The following FBXO25 variants were observed in gnomAD, a reference collection of about 807,000 sequenced individuals.
FBXO25 encodes the protein F-box only protein 25.
A neutral mutation model predicts 51.9 loss-of-function variants in FBXO25; 45 were observed. The ratio of observed to expected loss-of-function variants is 0.87; its 90% CI spans 0.68 to 1.11. FBXO25 has a LOEUF of 1.11. Ranked by LOEUF, FBXO25 falls within the 50% of genes most tolerant of loss-of-function variation. FBXO25 has a pLI of 0.00. For missense variants in FBXO25, 507 were observed against 428.5 expected, an observed-to-expected ratio of 1.18 and a Z score of -1.62; for synonymous variants, 199 against 151.0, an observed-to-expected ratio of 1.32 and a Z score of -2.33.
Position 406,993 on chromosome 8 carries a change from G to C in FBXO25, c.-81G>C, listed in dbSNP as rs1430543754. ...TGGTCGCCGTCAGGTGCGGGCCCAG[G>C]TGGCCGGCGCGCCCGTTGGGCACTG... On this transcript the variant is annotated 5_prime_UTR_variant, in exon 1 of 10. Coordinates refer to ENST00000350302, the MANE Select transcript of FBXO25 (RefSeq NM_183420.2). The C allele has an allele frequency of 1.3e-5, 2 of 152,280 alleles. No homozygotes were observed. Among genetic ancestry groups the C allele is most frequent in the Non-Finnish European group, 2.9e-5 (2 of 68,104 alleles). 9.4% of individuals were successfully genotyped at this position (152,280 alleles called of 1,614,324 possible). A position where few individuals can be genotyped will look rare whatever the true frequency, so the allele number is the denominator to read the frequency against.
chr8:442,327 C>G (rs556886152), intron 5 of FBXO25, among the ~76,000 whole-genome samples: 1 of 151,264 alleles, frequency 6.6e-6, no homozygotes, highest in Admixed American at 6.6e-5. Context: ...TTCATAAGTT[C>G]TACTTGAAGT....
At chr8:410,831 G>C (rs1006533981) in intron 1 of FBXO25, among the ~76,000 whole-genome samples, 1 of 152,174 alleles carries the variant, frequency 6.6e-6, no homozygotes, top group African/African-American at 2.4e-5. Flanking sequence ...GACATGTTCT[G>C]ACTATAAGTC....
chr8:450,316 C>G (rs559599659), intron 6 of FBXO25, among the ~76,000 whole-genome samples: 13 of 151,654 alleles, frequency 8.6e-5, no homozygotes, highest in African/African-American at 3.2e-4. Flanking sequence ...GGAAAAATAA[C>G]TAATCACACA....
intron 5 of FBXO25, among the ~76,000 whole-genome samples, chr8:439,629 T>G (rs7833133): frequency 0.021 from 3,131 of 152,288 alleles, 90 homozygotes; most frequent in African/African-American, 0.072. Context: ...GAAGAGTCGG[T>G]CTCTCTTATC....
chr8:440,594 T>G (rs1434046747), intron 5 of FBXO25, among the ~76,000 whole-genome samples: 2,737 of 150,070 alleles, frequency 0.018, no homozygotes, highest in African/African-American at 0.052. Context: ...TTTTTTAAAT[T>G]TTTTAAATTA....
At chr8:407,653 C>G (rs986186702) in intron 1 of FBXO25, among the ~76,000 whole-genome samples, 4 of 152,098 alleles carry the variant, frequency 2.6e-5, no homozygotes, top group African/African-American at 9.7e-5. Flanking sequence ...GCCCTCCGGG[C>G]TCGGTCCTTG....
At chr8:455,204 T>C (rs1490128386) in intron 7 of FBXO25, among the ~76,000 whole-genome samples, 1 of 152,206 alleles carries the variant, frequency 6.6e-6, no homozygotes, top group African/African-American at 2.4e-5. Flanking sequence ...CTCAGGGCTT[T>C]GTGGGCATTG....
chr8:438,987 C>T (rs1266925544), intron 5 of FBXO25, among the ~76,000 whole-genome samples: 2 of 152,224 alleles, frequency 1.3e-5, no homozygotes, highest in Non-Finnish European at 2.9e-5. Context: ...CTGAAAACAA[C>T]ACCCCCTTTG....
intron 1 of FBXO25, among the ~76,000 whole-genome samples, chr8:409,722 A>C (rs1374541687): frequency 6.6e-6 from 1 of 152,012 alleles, no homozygotes; most frequent in Admixed American, 6.5e-5. Flanking sequence ...TTCTGTTGGC[A>C]AGATATTTGT....
chr8:433,440 T>G (rs1210844053), intron 4 of FBXO25, among the ~76,000 whole-genome samples: 2 of 152,130 alleles, frequency 1.3e-5, no homozygotes, highest in Non-Finnish European at 1.5e-5. Context: ...CTGTGGCGTG[T>G]TTTGGAGGGC....
intron 2 of FBXO25, among the ~76,000 whole-genome samples, chr8:419,619 A>C (rs1207141155): frequency 1.3e-5 from 2 of 152,178 alleles, no homozygotes; most frequent in African/African-American, 4.8e-5. Flanking sequence ...ATGCAAAAAT[A>C]AATAAAAACC....
intron 9 of FBXO25, 27 bp from the exon 10 acceptor site, chr8:468,685 CCCT>C (rs758593097): frequency 6.3e-7 from 1 of 1,599,226 alleles, no homozygotes; most frequent in East Asian, 2.2e-5. Context: ...TGGTGGGGCC[CCCT>C]CCTAACCATC....
chr8:420,708 C>G (rs946595844), intron 2 of FBXO25, among the ~76,000 whole-genome samples: 2 of 152,198 alleles, frequency 1.3e-5, no homozygotes, highest in Non-Finnish European at 2.9e-5. Flanking sequence ...ATGATTCTAT[C>G]TAAAGGATGC....
intron 2 of FBXO25, among the ~76,000 whole-genome samples, chr8:425,432 G>A (rs1005915134): frequency 6.7e-6 from 1 of 149,338 alleles, no homozygotes; most frequent in African/African-American, 2.5e-5. Flanking sequence ...GATACCTAGT[G>A]GTTTGTTTTG....
At chr8:467,999 T>C (rs1800296295) in intron 9 of FBXO25, 1 of 1,340,268 alleles carries the variant, frequency 7.5e-7, no homozygotes, top group Non-Finnish European at 9.6e-7. Flanking sequence ...GCATAAACAC[T>C]TCACCACACA....
chr8:419,991 A>T (rs1433936278), intron 2 of FBXO25, among the ~76,000 whole-genome samples: 1 of 152,196 alleles, frequency 6.6e-6, no homozygotes, highest in Non-Finnish European at 1.5e-5. Flanking sequence ...ACTTGCATGG[A>T]TTGCAGAGAA....
intron 2 of FBXO25, chr8:420,357 G>A (rs1229066930): frequency 6.6e-6 from 1 of 152,222 alleles, no homozygotes; most frequent in African/African-American, 2.4e-5. Flanking sequence ...AATGCAGAAT[G>A]GCACAGCCAC....
chr8:471,824 A>G lies in FBXO25; in HGVS notation c.*3020A>G, dbSNP rs1800494976. 6.6e-6 allele frequency: 1 copy of G among 152,248 alleles called. No homozygotes were observed. Among genetic ancestry groups the G allele is most frequent in the African/African-American group, 2.4e-5 (1 of 41,468 alleles). The allele number at this position is 152,248 out of a possible 1,614,324, so 9.4% of individuals were successfully genotyped here. A position where few individuals can be genotyped will look rare whatever the true frequency, so the allele number is the denominator to read the frequency against. Reference sequence around the variant, plus strand: ...ACTGCATGACGTACAGGCTCTCTGTATGCACTGTGTGTGCGTACTGTACAG... The same window carrying G: ...ACTGCATGACGTACAGGCTCTCTGTGTGCACTGTGTGTGCGTACTGTACAG... On this transcript the variant is annotated 3_prime_UTR_variant, in exon 10 of 10. Coordinates refer to ENST00000350302, the MANE Select transcript of FBXO25 (RefSeq NM_183420.2).
At chr8:408,952 C>T (rs1343528178) in intron 1 of FBXO25, among the ~76,000 whole-genome samples, 4 of 152,048 alleles carry the variant, frequency 2.6e-5, no homozygotes, top group Non-Finnish European at 5.9e-5. Context: ...TTTGTAAATT[C>T]CCAAAATAAA....
Sources: allele counts gnomAD v4.1 joint callset (sites outside exome capture counted in the v4.1 genomes callset), GRCh38; gene constraint gnomAD v4.1.1; transcripts MANE v1.5; gene names NCBI Gene and HGNC (gene_info 2026-07-23, HGNC 2026-07-21).